The following DCC variants were observed in gnomAD, a reference collection of about 807,000 sequenced individuals.
DCC encodes the protein netrin receptor DCC.
A neutral mutation model predicts 172.5 loss-of-function variants in DCC; 58 were observed. The ratio of observed to expected loss-of-function variants is 0.34; its 90% CI spans 0.27 to 0.42. DCC has a LOEUF of 0.42. Ranked by LOEUF, DCC falls within the 10% of genes least tolerant of loss-of-function variation. The pLI is 1.00. For synonymous variants in DCC, 709 were observed against 644.5 expected (o/e 1.10, Z -1.52); for missense variants, 1,740 against 1,791.0 (o/e 0.97, Z 0.51).
intron 13 of DCC, among the ~76,000 whole-genome samples, chr18:53,306,357 G>T (rs1166817431): frequency 6.6e-6 from 1 of 152,084 alleles, no homozygotes; most frequent in Non-Finnish European, 1.5e-5. Flanking sequence ...ACAGAATGAG[G>T]CGAGGCTTTC....
intron 12 of DCC, among the ~76,000 whole-genome samples, chr18:53,246,299 C>T (rs546627520): frequency 1.3e-5 from 2 of 152,130 alleles, no homozygotes; most frequent in African/African-American, 2.4e-5. Flanking sequence ...TATTTACTCA[C>T]TTTCTTTCAA....
intron 2 of DCC, among the ~76,000 whole-genome samples, chr18:52,851,116 C>A (rs1000959099): frequency 1.3e-5 from 2 of 151,998 alleles, no homozygotes; most frequent in African/African-American, 4.8e-5. Flanking sequence ...GTATACTTGT[C>A]TTTTTCTTCA....
At chr18:52,940,200 C>A (rs1016582457) in intron 5 of DCC, among the ~76,000 whole-genome samples, 1 of 152,074 alleles carries the variant, frequency 6.6e-6, no homozygotes, top group African/African-American at 2.4e-5. Context: ...ATTCAGAAAC[C>A]AAACCAACGA....
intron 21 of DCC, among the ~76,000 whole-genome samples, chr18:53,419,835 T>A (rs74346173): frequency 7.4e-5 from 11 of 148,116 alleles, no homozygotes; most frequent in South Asian, 2.1e-4. Flanking sequence ...CTTTTTTTTT[T>A]AATTATTCTA....
At chr18:52,531,589 T>G (rs970109532) in intron 1 of DCC, among the ~76,000 whole-genome samples, 2 of 152,166 alleles carry the variant, frequency 1.3e-5, no homozygotes, top group Admixed American at 6.5e-5. Context: ...TGAAATATGT[T>G]TCTCTGTGTG....
Position 52,362,640 on chromosome 18 carries a change from T to G in DCC, c.91+21762T>G, listed in dbSNP as rs60228331. Among the ~76,000 whole-genome samples, 11 of 152,284 alleles carry G rather than the reference T, an allele frequency of 7.2e-5. No homozygotes were observed. In the East Asian group the frequency reaches 2.1e-3, roughly 29 times the overall value. On this transcript the variant is annotated intron_variant, in intron 1 of 28. Transcript: ENST00000442544. ...GTTTCTGTTTTGGGTTATTAACTCC[T>G]GAAACCAAGAATATCAGAGGAACCT...
intron 1 of DCC, among the ~76,000 whole-genome samples, chr18:52,515,381 G>A (rs1316441196): frequency 6.6e-6 from 1 of 151,846 alleles, no homozygotes; most frequent in Non-Finnish European, 1.5e-5. Context: ...GCCCAGGCGG[G>A]TGGATCACAA....
chr18:53,036,205 A>C (rs192815949), intron 5 of DCC, among the ~76,000 whole-genome samples: 28 of 152,170 alleles, frequency 1.8e-4, no homozygotes, highest in Admixed American at 1.4e-3. Context: ...TCTTTTCCCA[A>C]GTAGATTAGG....
chr18:52,927,273 TTA>T (rs1410833562), intron 5 of DCC, among the ~76,000 whole-genome samples: 62 of 150,532 alleles, frequency 4.1e-4, no homozygotes, highest in Non-Finnish European at 7.3e-4. Context: ...ACATATATAC[TTA>T]TATGTGTGTA....
At chr18:53,277,144 C>G (rs887391413) in intron 12 of DCC, among the ~76,000 whole-genome samples, 1 of 152,044 alleles carries the variant, frequency 6.6e-6, no homozygotes, top group Admixed American at 6.6e-5. Context: ...TTTAATTTCT[C>G]TAAGATTAAT....
intron 1 of DCC, among the ~76,000 whole-genome samples, chr18:52,610,168 AAAAAAAAAAAATAT>A (rs2034231208): frequency 4.3e-5 from 1 of 23,052 alleles, no homozygotes; most frequent in Non-Finnish European, 7.6e-5. Context: ...AAAAAAAAAA[AAAAAAAAAAAATAT>A]ATATATATAT....
chr18:52,401,064 T>A (rs1986419700), intron 1 of DCC, among the ~76,000 whole-genome samples: 1 of 151,922 alleles, frequency 6.6e-6, no homozygotes, highest in African/African-American at 2.4e-5. Flanking sequence ...GTAACAAACC[T>A]GCACGTTCTG....
chr18:52,798,189 G>T (rs1254756543), intron 2 of DCC, among the ~76,000 whole-genome samples: 1 of 151,584 alleles, frequency 6.6e-6, no homozygotes, highest in Non-Finnish European at 1.5e-5. Context: ...AATGTGTATG[G>T]CAAGGCAAGC....
chr18:53,347,130 C>T (rs1043425981), intron 15 of DCC, among the ~76,000 whole-genome samples: 2 of 152,114 alleles, frequency 1.3e-5, no homozygotes, highest in African/African-American at 2.4e-5. Context: ...TTCCCTCATC[C>T]CCTGAAACTA....
chr18:52,656,113 TAACATATATATGTATATATATAG>T (rs1297704398), intron 1 of DCC, among the ~76,000 whole-genome samples: 1 of 148,326 alleles, frequency 6.7e-6, no homozygotes, highest in Non-Finnish European at 1.5e-5. Flanking sequence ...TACATATATA[TAACATATATATGTATATATATAG>T]TGTGTATTGA....
intron 1 of DCC, among the ~76,000 whole-genome samples, chr18:52,588,299 T>C (rs2033722707): frequency 6.6e-6 from 1 of 152,198 alleles, no homozygotes; most frequent in African/African-American, 2.4e-5. Context: ...CTGGTTCCTA[T>C]GGCCCAAGTG....
At chr18:52,495,624 G>T (rs891800763) in intron 1 of DCC, among the ~76,000 whole-genome samples, 16 of 152,066 alleles carry the variant, frequency 1.1e-4, no homozygotes, top group Admixed American at 1.3e-4. Context: ...CATCTTGCCC[G>T]AAACAGCAGA....
rs539014900 is a variant in DCC at position 53,397,523 on chromosome 18, C to T, written c.2827+77C>T. The T allele has an allele frequency of 4.3e-5, 64 of 1,486,856 alleles. 1 individual carries two copies. Among genetic ancestry groups the T allele is most frequent in the South Asian group, 4.0e-4 (35 of 87,736 alleles). 92.1% of individuals were successfully genotyped at this position (1,486,856 alleles called of 1,614,324 possible). On this transcript the variant is annotated intron_variant, in intron 18 of 28. Coordinates refer to ENST00000442544, the MANE Select transcript of DCC (RefSeq NM_005215.4). Reference sequence around the variant, plus strand: ...TCTGTGGAAATTAGAACATGTGTTCCCTATGGTGTCTCAATTATACCTTAT... The same window carrying T: ...TCTGTGGAAATTAGAACATGTGTTCTCTATGGTGTCTCAATTATACCTTAT...
intron 1 of DCC, among the ~76,000 whole-genome samples, chr18:52,574,331 A>C (rs1394189787): frequency 1.3e-5 from 2 of 152,190 alleles, no homozygotes; most frequent in Non-Finnish European, 2.9e-5. Flanking sequence ...ATAAAAGTGC[A>C]TACTTTGGCA....
Sources: gnomAD v4.1 joint callset for allele counts (sites outside exome capture counted in the v4.1 genomes callset) on GRCh38, gnomAD v4.1.1 for gene constraint, MANE v1.5 for transcripts, NCBI Gene and HGNC (gene_info 2026-07-23, HGNC 2026-07-21) for gene names.